Variants in CA5B observed in about 807,000 individuals in gnomAD.
CA5B encodes the protein carbonic anhydrase 5B, also known as carbonic anhydrase 5B, mitochondrial.
Under a neutral mutation model 23.1 loss-of-function variants are expected in CA5B, and 15 were observed. The ratio of observed to expected loss-of-function variants is 0.65; its 90% CI spans 0.43 to 1.00. CA5B has a LOEUF of 1.00. Ranked by LOEUF, CA5B falls within the 50% of genes least tolerant of loss-of-function variation. The pLI is 0.00. For missense variants in CA5B, 236 were observed against 252.2 expected, an observed-to-expected ratio of 0.94 and a Z score of 0.43; for synonymous variants, 84 against 98.5, an observed-to-expected ratio of 0.85 and a Z score of 0.87.
chrX:15,755,190 G>GA (rs1307136062), intron 2 of CA5B, among the ~76,000 whole-genome samples: 2 of 112,030 alleles, frequency 1.8e-5, no homozygotes, highest in African/African-American at 3.2e-5. Flanking sequence ...GTAACCTTGA[G>GA]AAAAAATGAG....
intron 7 of CA5B, among the ~76,000 whole-genome samples, chrX:15,779,864 T>C (rs1026963712): frequency 8.9e-6 from 1 of 112,035 alleles, no homozygotes; most frequent in Non-Finnish European, 1.9e-5. Context: ...GGACATAACA[T>C]TGAAAAACAA....
intron 2 of CA5B, among the ~76,000 whole-genome samples, chrX:15,761,723 G>C (rs1045227704): frequency 3.6e-5 from 4 of 110,926 alleles, no homozygotes; most frequent in Non-Finnish European, 3.8e-5. Flanking sequence ...TGTCTTGTCG[G>C]GGGGAGCCCA....
chrX:15,767,076 G>A (rs377342345), intron 3 of CA5B: 8 of 891,403 alleles, frequency 9.0e-6, no homozygotes, highest in East Asian at 8.6e-5. Flanking sequence ...CTTGCCAGAC[G>A]TAAACTAATG....
intron 6 of CA5B, chrX:15,775,714 G>T (rs1376527131): frequency 1.3e-6 from 1 of 754,482 alleles, no homozygotes; most frequent in Admixed American, 8.5e-5. Context: ...CCTTCAGGTC[G>T]GATGCCTTTG....
chrX:15,742,658 C>T (rs980944572), intron 1 of CA5B, among the ~76,000 whole-genome samples: 8 of 112,996 alleles, frequency 7.1e-5, no homozygotes, highest in African/African-American at 2.6e-4. Context: ...GAATTACACG[C>T]ATGAGGCAAC....
chrX:15,761,459 A>C (rs1420350321), intron 2 of CA5B, among the ~76,000 whole-genome samples: 1 of 112,420 alleles, frequency 8.9e-6, no homozygotes, highest in Non-Finnish European at 1.9e-5. Context: ...GTGCCAGTTC[A>C]TGTGCATTTT....
chrX:15,775,149 G>A (rs1931897018), intron 5 of CA5B, 97 bp from the exon 6 acceptor site: 4 of 567,028 alleles, frequency 7.1e-6, no homozygotes, highest in Non-Finnish European at 2.8e-6. Flanking sequence ...TTGTTTTTAT[G>A]TAATCACCAG....
intron 3 of CA5B, among the ~76,000 whole-genome samples, chrX:15,765,517 C>T (rs1931688564): frequency 9.1e-6 from 1 of 110,311 alleles, no homozygotes; most frequent in Admixed American, 9.8e-5. Context: ...TGTTTTACTG[C>T]ATTTGATGAT....
intron 1 of CA5B, among the ~76,000 whole-genome samples, chrX:15,741,476 TTTTG>T (rs1316537343): frequency 1.8e-5 from 2 of 108,363 alleles, no homozygotes; most frequent in African/African-American, 6.7e-5. Context: ...TTGTGGGGGA[TTTTG>T]TTTGTTTGTT....
intron 7 of CA5B, 38 bp downstream of exon 7, chrX:15,776,907 T>C: frequency 8.9e-7 from 1 of 1,119,261 alleles, no homozygotes; most frequent in Non-Finnish European, 1.2e-6. Context: ...AGGAAATCCT[T>C]GTCTGCCCAT....
chrX:15,780,127 T>G (rs1483427543), intron 7 of CA5B, among the ~76,000 whole-genome samples: 2 of 111,321 alleles, frequency 1.8e-5, no homozygotes, highest in Non-Finnish European at 3.8e-5. Flanking sequence ...TATCATTGTT[T>G]GGGGAAATCC....
intron 1 of CA5B, among the ~76,000 whole-genome samples, chrX:15,743,801 A>G (rs1043055401): frequency 4.5e-5 from 5 of 111,911 alleles, no homozygotes; most frequent in African/African-American, 1.6e-4. Context: ...ATTGACAAAT[A>G]TTAATAGCAG....
chrX:15,755,453 T>C (rs1208669345), intron 2 of CA5B, among the ~76,000 whole-genome samples: 1 of 112,334 alleles, frequency 8.9e-6, no homozygotes, highest in Admixed American at 9.5e-5. Flanking sequence ...TCCCTGTGTA[T>C]ACACCCATCA....
intron 1 of CA5B, among the ~76,000 whole-genome samples, chrX:15,748,566 A>G (rs1437993609): frequency 9.0e-6 from 1 of 111,378 alleles, no homozygotes; most frequent in African/African-American, 3.3e-5. Flanking sequence ...TCAAAAATGT[A>G]TATACACAAA....
At chrX:15,775,383 A>T in intron 6 of CA5B, 75 bp downstream of exon 6, 2 of 1,117,546 alleles carry the variant, frequency 1.8e-6, no homozygotes, top group Non-Finnish European at 2.4e-6. Context: ...TTACCAAGGC[A>T]CTTTGAATTG....
Position 15,787,680 on chromosome X carries a change from G to C in CA5B, c.*5016G>C, listed in dbSNP as rs760528280. ...CACTAAAAAATCTATGGCCGGGTGC[G>C]GTGGCTCATGCCTGTAATCCCAGCA... On this transcript the variant is annotated 3_prime_UTR_variant, in exon 8 of 8. Transcript: ENST00000318636. The C allele has an allele frequency of 3.6e-5, 4 of 112,249 alleles. No individual in the cohort carries two copies. The highest frequency in any genetic ancestry group is 1.3e-4 in the African/African-American group (4 of 30,902). The allele number at this position is 112,249 out of a possible 1,213,427, so 9.3% of individuals were successfully genotyped here.
rs773815786 is a variant in CA5B, at chrX:15,756,792, T to C, written c.142+6627T>C. 5.8e-3 allele frequency among the ~76,000 whole-genome samples: 649 copies of C among 111,088 alleles called. 6 individuals are homozygous for C. The highest frequency in any genetic ancestry group is 0.02 in the African/African-American group (605 of 30,534). ...GTTTTTAGCCAGGCGCAGTGGCTCATGCCTGTAATCCCAGCACTTTGGGAG... is the reference window on the plus strand; with the variant it reads ...GTTTTTAGCCAGGCGCAGTGGCTCACGCCTGTAATCCCAGCACTTTGGGAG... On this transcript the variant is annotated intron_variant, in intron 2 of 7. Coordinates refer to ENST00000318636, the MANE Select transcript of CA5B (RefSeq NM_007220.4).
chrX:15,776,902 A>G (rs188859294), intron 7 of CA5B, 33 bp downstream of exon 7: 245 of 1,147,882 alleles, frequency 2.1e-4, no homozygotes, highest in Admixed American at 2.7e-4. Flanking sequence ...ATCTAAGGAA[A>G]TCCTTGTCTG....
chrX:15,752,104 G>A (rs1436201766), intron 2 of CA5B, among the ~76,000 whole-genome samples: 1 of 111,580 alleles, frequency 9.0e-6, no homozygotes, highest in African/African-American at 3.3e-5. Context: ...TTGGGTTACA[G>A]CATGGTTTAG....
Sources: allele counts gnomAD v4.1 joint callset (sites outside exome capture counted in the v4.1 genomes callset), GRCh38; gene constraint gnomAD v4.1.1; transcripts MANE v1.5; gene names NCBI Gene and HGNC (gene_info 2026-07-23, HGNC 2026-07-21).